The following HS3ST5 variants were observed in gnomAD, a reference collection of about 807,000 sequenced individuals.
HS3ST5 encodes heparan sulfate glucosamine 3-O-sulfotransferase 5.
A neutral mutation model predicts 25.4 loss-of-function variants in HS3ST5; 10 were observed. The ratio of observed to expected loss-of-function variants is 0.39; its 90% CI spans 0.24 to 0.67. The LOEUF (loss-of-function observed/expected upper bound fraction) is 0.67. Among genes scored for constraint, HS3ST5 ranks in the 30% least tolerant of loss-of-function variants. HS3ST5 has a pLI of 0.44. For synonymous variants in HS3ST5, 170 were observed against 162.4 expected (o/e 1.05, Z -0.36); for missense variants, 324 against 420.7 (o/e 0.77, Z 2.01).
chr6:114,328,965 AG>A (rs1424918259), intron 1 of HS3ST5, among the ~76,000 whole-genome samples: 1 of 152,026 alleles, frequency 6.6e-6, no homozygotes, highest in African/African-American at 2.4e-5. Flanking sequence ...GAAGTTAAAT[AG>A]TTTTTTTTAA....
intron 2 of HS3ST5, among the ~76,000 whole-genome samples, chr6:114,221,776 T>A (rs1281019111): frequency 6.6e-6 from 1 of 151,702 alleles, no homozygotes; most frequent in Non-Finnish European, 1.5e-5. Flanking sequence ...TCTTAGCTGA[T>A]GTTTGCATCT....
At chr6:114,208,826 T>C (rs1260170441) in intron 2 of HS3ST5, among the ~76,000 whole-genome samples, 1 of 152,210 alleles carries the variant, frequency 6.6e-6, no homozygotes, top group African/African-American at 2.4e-5. Flanking sequence ...TACAATTTTA[T>C]GCAAGGTGTT....
At chr6:114,110,916 G>A (rs1248086766) in intron 3 of HS3ST5, among the ~76,000 whole-genome samples, 1 of 151,986 alleles carries the variant, frequency 6.6e-6, no homozygotes, top group Non-Finnish European at 1.5e-5. Flanking sequence ...AAAGCATAGG[G>A]CAATTTCCTA....
intron 1 of HS3ST5, among the ~76,000 whole-genome samples, chr6:114,289,282 A>T (rs147319965): frequency 3.8e-4 from 58 of 152,272 alleles, no homozygotes; most frequent in African/African-American, 1.3e-3. Flanking sequence ...AGTACTATTT[A>T]TAAATTTTTC....
chr6:114,337,524 C>T (rs535029755), intron 1 of HS3ST5, among the ~76,000 whole-genome samples: 3 of 152,276 alleles, frequency 2.0e-5, no homozygotes, highest in Non-Finnish European at 2.9e-5. Flanking sequence ...AATATGGCAT[C>T]GGTTCTTAAA....
chr6:114,075,002 C>G (rs1352337373), intron 3 of HS3ST5, among the ~76,000 whole-genome samples: 2 of 152,122 alleles, frequency 1.3e-5, no homozygotes, highest in African/African-American at 4.8e-5. Flanking sequence ...AAGGACTCCA[C>G]CAAATTTCAA....
At chr6:114,153,016 A>G (rs1359312061) in intron 3 of HS3ST5, among the ~76,000 whole-genome samples, 1 of 152,176 alleles carries the variant, frequency 6.6e-6, no homozygotes, top group Admixed American at 6.5e-5. Context: ...TTGACTCTAC[A>G]AGGAGTTGAA....
chr6:114,084,595 AGAG>A, intron 3 of HS3ST5: 1 of 773,088 alleles, frequency 1.3e-6, no homozygotes, highest in Non-Finnish European at 2.3e-6. Context: ...CACATAGTGC[AGAG>A]GAGAATTGTT....
intron 1 of HS3ST5, among the ~76,000 whole-genome samples, chr6:114,276,798 T>C (rs1179137161): frequency 6.6e-6 from 1 of 151,976 alleles, no homozygotes; most frequent in Non-Finnish European, 1.5e-5. Flanking sequence ...TTTTCAAGCA[T>C]ATGCATTTGT....
intron 2 of HS3ST5, among the ~76,000 whole-genome samples, chr6:114,190,212 G>A (rs1201931354): frequency 6.6e-6 from 1 of 152,152 alleles, no homozygotes; most frequent in Admixed American, 6.5e-5. Flanking sequence ...GATGGGGGGT[G>A]TCTAGTTGCT....
intron 3 of HS3ST5, among the ~76,000 whole-genome samples, chr6:114,082,488 A>G (rs934377428): frequency 1.3e-5 from 2 of 152,206 alleles, no homozygotes; most frequent in Non-Finnish European, 2.9e-5. Context: ...TCCAGGAGGC[A>G]AAACACCTTC....
At chr6:114,165,657 G>C (rs1231448565) in intron 3 of HS3ST5, among the ~76,000 whole-genome samples, 3 of 152,138 alleles carry the variant, frequency 2.0e-5, no homozygotes, top group African/African-American at 7.2e-5. Flanking sequence ...GTCAGTGTCA[G>C]AGTACCTACC....
chr6:114,203,932 A>G (rs1781145782), intron 2 of HS3ST5, among the ~76,000 whole-genome samples: 1 of 152,212 alleles, frequency 6.6e-6, no homozygotes, highest in Admixed American at 6.6e-5. Context: ...GGCAGTTACA[A>G]TTAAAGAAAA....
intron 1 of HS3ST5, among the ~76,000 whole-genome samples, chr6:114,336,915 T>G (rs918599886): frequency 1.3e-5 from 2 of 152,230 alleles, no homozygotes; most frequent in Admixed American, 1.3e-4. Flanking sequence ...ATATTTATGA[T>G]AGAACAGTTG....
intron 3 of HS3ST5, among the ~76,000 whole-genome samples, chr6:114,093,100 A>G (rs1483852797): frequency 4.6e-5 from 7 of 152,204 alleles, no homozygotes; most frequent in Admixed American, 2.0e-4. Flanking sequence ...TAACAAGTCC[A>G]AGGCCACACA....
intron 3 of HS3ST5, among the ~76,000 whole-genome samples, chr6:114,072,565 C>T (rs1188478995): frequency 6.6e-6 from 1 of 152,126 alleles, no homozygotes; most frequent in East Asian, 1.9e-4. Context: ...TGCATCTGTA[C>T]AATGGAATAC....
chr6:114,284,986 C>T (rs140913255), intron 1 of HS3ST5, among the ~76,000 whole-genome samples: 217 of 152,052 alleles, frequency 1.4e-3, no homozygotes, highest in South Asian at 5.8e-3. Flanking sequence ...TCTATTTGTA[C>T]GCTATTTTCA....
At chr6:114,241,107 T>C (rs1041920680) in intron 1 of HS3ST5, among the ~76,000 whole-genome samples, 5 of 151,420 alleles carry the variant, frequency 3.3e-5, no homozygotes, top group African/African-American at 4.9e-5. Context: ...CTTTAAGCTA[T>C]GTTTATATAT....
intron 2 of HS3ST5, among the ~76,000 whole-genome samples, chr6:114,181,712 G>A (rs1258218079): frequency 6.6e-6 from 1 of 152,168 alleles, no homozygotes; most frequent in Non-Finnish European, 1.5e-5. Context: ...CCTATGCCAA[G>A]ATTTCAAAAT....
Sources: gnomAD v4.1 joint callset for allele counts (sites outside exome capture counted in the v4.1 genomes callset) on GRCh38, gnomAD v4.1.1 for gene constraint, MANE v1.5 for transcripts, NCBI Gene and HGNC (gene_info 2026-07-23, HGNC 2026-07-21) for gene names.